Variants in DLC1 observed in about 807,000 individuals in gnomAD.
DLC1 encodes DLC1 Rho GTPase activating protein, also known as rho GTPase-activating protein 7.
DLC1 carries 54 observed loss-of-function variants against 140.3 expected under a neutral mutation model. The ratio of observed to expected loss-of-function variants is 0.38; its 90% CI spans 0.31 to 0.48. DLC1 has a LOEUF of 0.48. Ranked by LOEUF, DLC1 falls within the 20% of genes least tolerant of loss-of-function variation. DLC1 has a pLI of 0.96. For missense variants in DLC1, 2,536 were observed against 1,907.0 expected (o/e 1.33, Z -6.14); for synonymous variants, 986 against 728.1 (o/e 1.35, Z -5.70).
Position 13,437,710 on chromosome 8 carries a change from T to G in DLC1, c.1024-36091A>C, listed in dbSNP as rs560486451. Among the ~76,000 whole-genome samples the G allele has an allele frequency of 3.3e-5, 5 of 152,292 alleles. No homozygotes were observed. In the South Asian group the frequency reaches 1.0e-3, roughly 32 times the overall value. ...CTGCAGGGGCCTCTGAGCCTATCTT[T>G]CAGTCCATGACCTGGCTGCAGATGA... On this transcript the variant is annotated intron_variant, in intron 2 of 17. Coordinates refer to ENST00000276297, the MANE Select transcript of DLC1 (RefSeq NM_182643.3).
At chr8:13,120,879 G>C (rs1368124992) in intron 5 of DLC1, among the ~76,000 whole-genome samples, 1 of 152,034 alleles carries the variant, frequency 6.6e-6, no homozygotes, top group Non-Finnish European at 1.5e-5. Context: ...CTCCTCAACA[G>C]TAAGCTGAAC....
chr8:13,482,128 T>A (rs1436271947), intron 2 of DLC1, among the ~76,000 whole-genome samples: 5 of 152,188 alleles, frequency 3.3e-5, no homozygotes, highest in Non-Finnish European at 7.3e-5. Flanking sequence ...AGGTGCTTTG[T>A]TAGGACAGCC....
At chr8:13,470,446 A>T (rs1365210211) in intron 2 of DLC1, among the ~76,000 whole-genome samples, 6 of 152,196 alleles carry the variant, frequency 3.9e-5, no homozygotes, top group Non-Finnish European at 8.8e-5. Context: ...TCATTAAAAA[A>T]TGGACAAAGG....
intron 1 of DLC1, among the ~76,000 whole-genome samples, chr8:13,587,550 C>CAA (rs1378867280): frequency 1.4e-5 from 2 of 145,954 alleles, no homozygotes; most frequent in Non-Finnish European, 3.0e-5. Flanking sequence ...ACTATACACA[C>CAA]ACACACACAC....
At chr8:13,315,626 C>G (rs1194451224) in intron 4 of DLC1, among the ~76,000 whole-genome samples, 1 of 152,170 alleles carries the variant, frequency 6.6e-6, no homozygotes, top group African/African-American at 2.4e-5. Context: ...TCACAGGAGC[C>G]CAACTCAATT....
intron 1 of DLC1, among the ~76,000 whole-genome samples, chr8:13,568,680 A>T (rs1289184097): frequency 6.6e-6 from 1 of 152,216 alleles, no homozygotes; most frequent in Admixed American, 6.5e-5. Flanking sequence ...AAGATTGTGA[A>T]AAAAGTTATC....
intron 1 of DLC1, among the ~76,000 whole-genome samples, chr8:13,565,415 G>A (rs777007610): frequency 6.6e-6 from 1 of 152,148 alleles, no homozygotes; most frequent in Non-Finnish European, 1.5e-5. Flanking sequence ...GCAGAGATTT[G>A]AAATAATAAA....
At chr8:13,471,901 C>T (rs545096765) in intron 2 of DLC1, among the ~76,000 whole-genome samples, 2 of 152,326 alleles carry the variant, frequency 1.3e-5, no homozygotes, top group African/African-American at 4.8e-5. Flanking sequence ...AAGGAGATCT[C>T]AAGGCCGAGG....
At chr8:13,269,255 A>G (rs1830820525) in intron 5 of DLC1, among the ~76,000 whole-genome samples, 1 of 152,130 alleles carries the variant, frequency 6.6e-6, no homozygotes. Context: ...CGTGAGTTTG[A>G]CAATTATGGG....
At chr8:13,299,621 A>T (rs111565490) in intron 5 of DLC1, among the ~76,000 whole-genome samples, 5 of 152,196 alleles carry the variant, frequency 3.3e-5, no homozygotes, top group African/African-American at 1.2e-4. Flanking sequence ...TGGTAGTTAA[A>T]GTTTGAGCAA....
chr8:13,183,790 G>A (rs1389102395), intron 5 of DLC1, among the ~76,000 whole-genome samples: 1 of 152,044 alleles, frequency 6.6e-6, no homozygotes, highest in Non-Finnish European at 1.5e-5. Flanking sequence ...TTTTTGTTGT[G>A]TCTCTGCCAG....
chr8:13,532,960 AT>A (rs1305051052), intron 1 of DLC1, among the ~76,000 whole-genome samples: 2 of 152,194 alleles, frequency 1.3e-5, no homozygotes, highest in Non-Finnish European at 2.9e-5. Context: ...AATTTTAATT[AT>A]TTTTTAGTTA....
chr8:13,121,615 C>G (rs1333445992), intron 5 of DLC1, among the ~76,000 whole-genome samples: 4 of 152,126 alleles, frequency 2.6e-5, no homozygotes, highest in African/African-American at 9.7e-5. Flanking sequence ...GTGGCATGAT[C>G]ACAGCTCTCT....
At chr8:13,257,216 T>TAA (rs36010634) in intron 5 of DLC1, among the ~76,000 whole-genome samples, 10,698 of 146,618 alleles carry the variant, frequency 0.073, 412 homozygotes, top group South Asian at 0.13. Context: ...ATGCTTATCA[T>TAA]AAAAAAAAAA....
chr8:13,566,781 C>G (rs995082732), intron 1 of DLC1: 2 of 629,446 alleles, frequency 3.2e-6, no homozygotes, highest in East Asian at 3.0e-5. Flanking sequence ...CTGGGGAGCG[C>G]GGAGGAAAAG....
At chr8:13,464,639 GCTCCT>G (rs1351879159) in intron 2 of DLC1, among the ~76,000 whole-genome samples, 1 of 151,134 alleles carries the variant, frequency 6.6e-6, no homozygotes, top group Non-Finnish European at 1.5e-5. Context: ...TTACCTTTGT[GCTCCT>G]CTCCTCTCCT....
At chr8:13,518,885 T>C (rs917879687), upstream of DLC1, among the ~76,000 whole-genome samples, 4 of 152,344 alleles carry the variant, frequency 2.6e-5, no homozygotes, top group African/African-American at 9.6e-5. Context: ...AGTTACTGTA[T>C]TGGAAACAAT....
In DLC1 at chr8:13,086,328, T is replaced by C. The variant is rs781254104; in HGVS notation, c.4428A>G (p.Gly1476=). The C allele has an allele frequency of 6.2e-7, 1 of 1,614,250 alleles. No homozygotes were observed. The highest frequency in any genetic ancestry group is 1.7e-5 in the Admixed American group (1 of 60,032). The change falls in exon 17 of 18, where the codon GGA becomes GGG. Residue 1476 remains glycine, a synonymous_variant. Coordinates refer to ENST00000276297, the MANE Select transcript of DLC1 (RefSeq NM_182643.3). The stretch of plus-strand genomic sequence containing the variant: ...TGCACATGTAGGTGAGTTTGGATTT[T>C]CCTGGCCCACAGGGTTCAATCAAAT... ...SRYLIEPCGP[G]KSKLTYMCRV...
At chr8:13,087,593 G>A (rs568304682) in intron 16 of DLC1, among the ~76,000 whole-genome samples, 16 of 152,306 alleles carry the variant, frequency 1.1e-4, no homozygotes, top group East Asian at 9.6e-4. Flanking sequence ...GTACAGAGCC[G>A]TTGTTACAGA....
Sources: allele counts gnomAD v4.1 joint callset (sites outside exome capture counted in the v4.1 genomes callset), GRCh38; gene constraint gnomAD v4.1.1; transcripts MANE v1.5; gene names NCBI Gene and HGNC (gene_info 2026-07-23, HGNC 2026-07-21).